GABRG2: variants seen among roughly 807,000 people sequenced by gnomAD.
GABRG2 encodes gamma-aminobutyric acid receptor subunit gamma-2.
Under a neutral mutation model 56.4 loss-of-function variants are expected in GABRG2, and 16 were observed. That is an observed-to-expected ratio of 0.28 (90% CI 0.19 to 0.43). The LOEUF (loss-of-function observed/expected upper bound fraction) is 0.43. GABRG2 is among the 20% of genes least tolerant of loss of function. The pLI is 1.00. For missense variants in GABRG2, 327 were observed against 582.7 expected (o/e 0.56, Z 4.52); for synonymous variants, 208 against 205.5 (o/e 1.01, Z -0.10).
intron 6 of GABRG2, among the ~76,000 whole-genome samples, chr5:162,129,732 ATGT>A (rs1036717497): frequency 1.3e-5 from 2 of 151,944 alleles, no homozygotes; most frequent in African/African-American, 2.4e-5. Flanking sequence ...TTTTCATCAA[ATGT>A]TGTATTCCTT....
At chr5:162,134,542 T>C (rs1202025906) in intron 6 of GABRG2, among the ~76,000 whole-genome samples, 1 of 152,168 alleles carries the variant, frequency 6.6e-6, no homozygotes. Context: ...GATAAAGAAG[T>C]TGAGACTCAG....
chr5:162,116,109 C>CGTGTGT (rs1561649623), intron 6 of GABRG2, among the ~76,000 whole-genome samples: 85 of 125,568 alleles, frequency 6.8e-4, no homozygotes, highest in Middle Eastern at 3.8e-3. Context: ...GGTGTGCGTG[C>CGTGTGT]ATGTGTGTGT....
chr5:162,099,897 ATGTT>A (rs1299029813), intron 4 of GABRG2: 1 of 152,146 alleles, frequency 6.6e-6, no homozygotes, highest in African/African-American at 2.4e-5. Context: ...ATCTGTATCT[ATGTT>A]TGTATCTGCA....
intron 1 of GABRG2, among the ~76,000 whole-genome samples, chr5:162,077,495 T>C (rs917011343): frequency 6.6e-6 from 1 of 152,182 alleles, no homozygotes; most frequent in Non-Finnish European, 1.5e-5. Context: ...TTATTCTTGA[T>C]GAAATGTCTA....
chr5:162,124,364 A>G (rs191066140), intron 6 of GABRG2, among the ~76,000 whole-genome samples: 44 of 151,960 alleles, frequency 2.9e-4, no homozygotes, highest in Admixed American at 2.6e-3. Context: ...AACATTTTGC[A>G]TATACCTATG....
chr5:162,133,698 G>A (rs1763917134), intron 6 of GABRG2, among the ~76,000 whole-genome samples: 1 of 152,072 alleles, frequency 6.6e-6, no homozygotes, highest in Non-Finnish European at 1.5e-5. Context: ...CATTGGGCTA[G>A]GCATCTGTGG....
chr5:162,095,687 T>C (rs1274754873), intron 3 of GABRG2, 125 bp downstream of exon 3: 2 of 691,486 alleles, frequency 2.9e-6, no homozygotes, highest in Admixed American at 2.3e-5. Context: ...AAGTGAAAGA[T>C]AGTCTTCCAG....
rs185671938 is a variant in GABRG2 at position 162,076,311 on chromosome 5, T to G, written c.107+8205T>G. Among the ~76,000 whole-genome samples the G allele has an allele frequency of 7.2e-5, 11 of 152,276 alleles. No individual in the cohort carries two copies. The East Asian group carries it at 1.9e-3, about 27-fold the overall frequency. Reference sequence around the variant, plus strand: ...AGGACATTATTTATCCCCTGATATATCACCAGAGGCACAAGTACGCTCCCC... The same window carrying G: ...AGGACATTATTTATCCCCTGATATAGCACCAGAGGCACAAGTACGCTCCCC... On this transcript the variant is annotated intron_variant, in intron 1 of 9. Coordinates refer to ENST00000639213, the MANE Select transcript of GABRG2 (RefSeq NM_198904.4).
At chr5:162,109,817 T>C (rs1561647460) in intron 6 of GABRG2, among the ~76,000 whole-genome samples, 1 of 152,112 alleles carries the variant, frequency 6.6e-6, no homozygotes, top group Non-Finnish European at 1.5e-5. Flanking sequence ...GACTCTTTTT[T>C]CTTCTCTGTT....
chr5:162,136,180 C>T (rs150540811), intron 6 of GABRG2, among the ~76,000 whole-genome samples: 182 of 152,116 alleles, frequency 1.2e-3, no homozygotes, highest in African/African-American at 4.1e-3. Flanking sequence ...CAGAATCACA[C>T]GTTAAGCAGT....
chr5:162,135,112 A>G (rs1224517767), intron 6 of GABRG2, among the ~76,000 whole-genome samples: 3 of 152,158 alleles, frequency 2.0e-5, no homozygotes, highest in African/African-American at 7.2e-5. Context: ...AGCCAAACCC[A>G]TTTGTTCTCT....
In GABRG2 at chr5:162,137,301, TG is replaced by T. The variant is rs1354470973; in HGVS notation, c.770-4862del. ...ATCCAAGAAATTTTAAAATAAAATA[TG>T]TTTTTTATATACTTTCAGATTATCT... On this transcript the variant is annotated intron_variant, in intron 6 of 9. Transcript: ENST00000639213. Among the ~76,000 whole-genome samples, 3 of 152,348 alleles carry T rather than the reference TG, an allele frequency of 2.0e-5. No individual in the cohort carries two copies. In the East Asian group the frequency reaches 5.8e-4, roughly 29 times the overall value.
intron 6 of GABRG2, among the ~76,000 whole-genome samples, chr5:162,131,594 G>A (rs1270426679): frequency 6.6e-6 from 1 of 151,832 alleles, no homozygotes; most frequent in Admixed American, 6.6e-5. Flanking sequence ...GCTATGAGCT[G>A]AAAGAACAAA....
intron 6 of GABRG2, among the ~76,000 whole-genome samples, chr5:162,116,565 T>C (rs411409): frequency 0.34 from 51,248 of 151,726 alleles, 9,264 homozygotes; most frequent in East Asian, 0.61. Context: ...CTGATGTCCA[T>C]GGAATAAGAT....
intron 6 of GABRG2, among the ~76,000 whole-genome samples, chr5:162,138,001 C>G (rs970714944): frequency 8.6e-5 from 13 of 151,860 alleles, no homozygotes. Flanking sequence ...CTCAAGCAAT[C>G]CATGTACCTT....
At chr5:162,115,483 G>A (rs530514760) in intron 6 of GABRG2, among the ~76,000 whole-genome samples, 2 of 151,312 alleles carry the variant, frequency 1.3e-5, no homozygotes, top group East Asian at 4.0e-4. Context: ...GGGGACCAGG[G>A]TGTTGCCATA....
At chr5:162,099,830 T>C (rs2113344303) in intron 4 of GABRG2, 1 of 152,294 alleles carries the variant, frequency 6.6e-6, no homozygotes, top group African/African-American at 2.4e-5. Flanking sequence ...GTTCTGGCTA[T>C]CTAAAATGAG....
At position 162,107,549 on chromosome 5, in the gene GABRG2, C is replaced by T. The variant is rs868351710; in HGVS notation, c.769+3523C>T. On this transcript the variant is annotated intron_variant, in intron 6 of 9. Transcript: ENST00000639213. ...AATGCTATGTGAGAGTCCTTGCATCCACCACCTGAATCATCTCCTTTATTA... is the reference window on the plus strand; with the variant it reads ...AATGCTATGTGAGAGTCCTTGCATCTACCACCTGAATCATCTCCTTTATTA... Among the ~76,000 whole-genome samples, 7 of 152,294 alleles carry T rather than the reference C, an allele frequency of 4.6e-5. No homozygotes were observed. The South Asian group carries it at 1.5e-3, about 32-fold the overall frequency.
chr5:162,151,732 T>G lies in GABRG2; in HGVS notation c.1131T>G (p.Leu377=), dbSNP rs780368645. The G allele has an allele frequency of 6.1e-5, 98 of 1,611,542 alleles. No homozygotes were observed. Among genetic ancestry groups the G allele is most frequent in the Non-Finnish European group, 7.8e-5 (92 of 1,178,704 alleles). ...KDKDKKKKNP[L]LRMFSFKAPT... is the part of the protein sequence containing the mutation. ...CTTTTCTGTCTACAAACCCAAAGCTTCTTCGGATGTTTTCCTTCAAGGTAT... is the reference window on the plus strand; with the variant it reads ...CTTTTCTGTCTACAAACCCAAAGCTGCTTCGGATGTTTTCCTTCAAGGTAT... The change falls in exon 9 of 10, where the codon CTT becomes CTG. Residue 377 remains leucine, a splice_region_variant and synonymous_variant. Transcript: ENST00000639213.
Sources: allele counts gnomAD v4.1 joint callset (sites outside exome capture counted in the v4.1 genomes callset), GRCh38; gene constraint gnomAD v4.1.1; transcripts MANE v1.5; gene names NCBI Gene and HGNC (gene_info 2026-07-23, HGNC 2026-07-21).